RPSA2: variants seen among roughly 807,000 people sequenced by gnomAD.
RPSA2 encodes the protein small ribosomal subunit protein uS2B.
the RPSA2 span, among the ~76,000 whole-genome samples, chr19:23,793,158 T>C: frequency 1.8e-4 from 27 of 151,500 alleles, no homozygotes; most frequent in African/African-American, 6.0e-4. Context: ...TCTGGCTGTG[T>C]GATAGGTAAG....
chr19:23,864,592 G>A, the RPSA2 span, among the ~76,000 whole-genome samples: 15 of 152,238 alleles, frequency 9.9e-5, no homozygotes, highest in Admixed American at 9.8e-4. Context: ...AAGTAGCTAT[G>A]AATTGCTTAT....
chr19:23,775,654 A>G, the RPSA2 span, among the ~76,000 whole-genome samples: 1 of 152,216 alleles, frequency 6.6e-6, no homozygotes, highest in Non-Finnish European at 1.5e-5. Context: ...AGAGACAGTC[A>G]CAAGTTGGAA....
the RPSA2 span, chr19:23,833,381 C>T: frequency 5.8e-3 from 1,177 of 202,356 alleles, 19 homozygotes; most frequent in African/African-American, 0.026. Context: ...TGGAGAGAAA[C>T]TTTGCAAACC....
At chr19:23,773,291 A>ATT in the RPSA2 span, among the ~76,000 whole-genome samples, 2,638 of 141,016 alleles carry the variant, frequency 0.019, 84 homozygotes, top group African/African-American at 0.063. Context: ...TATATATCAA[A>ATT]TTTTTTTTTT....
At chr19:23,851,611 G>A in the RPSA2 span, among the ~76,000 whole-genome samples, 1 of 152,128 alleles carries the variant, frequency 6.6e-6, no homozygotes, top group Non-Finnish European at 1.5e-5. Context: ...AATATTTAAA[G>A]GTTTGGGGAA....
At chr19:23,835,892 C>T in the RPSA2 span, among the ~76,000 whole-genome samples, 28 of 152,286 alleles carry the variant, frequency 1.8e-4, no homozygotes, top group African/African-American at 6.3e-4. Flanking sequence ...CCTCAGCCTC[C>T]CAGAGTGCTG....
chr19:23,775,035 A>G, the RPSA2 span, among the ~76,000 whole-genome samples: 3 of 152,172 alleles, frequency 2.0e-5, no homozygotes, highest in Admixed American at 6.5e-5. Context: ...TATCTTTCAT[A>G]TGTGGGCTTG....
At chr19:23,773,024 C>T in the RPSA2 span, among the ~76,000 whole-genome samples, 7 of 151,914 alleles carry the variant, frequency 4.6e-5, no homozygotes, top group South Asian at 6.2e-4. Context: ...GAGTTGAGAT[C>T]GTGCCACTGC....
At chr19:23,774,002 G>A in the RPSA2 span, among the ~76,000 whole-genome samples, 1 of 139,764 alleles carries the variant, frequency 7.2e-6, no homozygotes, top group South Asian at 2.3e-4. Flanking sequence ...TCTGACTCTT[G>A]CCTAAGACCA....
At chr19:23,763,429 C>T in the RPSA2 span, among the ~76,000 whole-genome samples, 1 of 152,308 alleles carries the variant, frequency 6.6e-6, no homozygotes, top group South Asian at 2.1e-4. Flanking sequence ...AATCCCGACC[C>T]GGTGTTTGCG....
chr19:23,859,491 G>A, the RPSA2 span, among the ~76,000 whole-genome samples: 4 of 152,234 alleles, frequency 2.6e-5, no homozygotes, highest in African/African-American at 4.8e-5. Context: ...AGCCAGCGTG[G>A]TGGCACATGC....
the RPSA2 span, among the ~76,000 whole-genome samples, chr19:23,840,957 C>T: frequency 3.0e-5 from 2 of 66,068 alleles, no homozygotes; most frequent in African/African-American, 6.2e-5. Flanking sequence ...AACAAAACTC[C>T]GTCTCAAAAA....
chr19:23,808,258 A>G, the RPSA2 span, among the ~76,000 whole-genome samples: 1 of 129,846 alleles, frequency 7.7e-6, no homozygotes, highest in Middle Eastern at 3.4e-3. Context: ...TGAAATTAAG[A>G]ACCTACAAAA....
chr19:23,833,049 A>G, the RPSA2 span: 2 of 1,356,422 alleles, frequency 1.5e-6, no homozygotes, highest in Non-Finnish European at 1.9e-6. Flanking sequence ...CTGGAAAGAA[A>G]CCCTACAAGT....
chr19:23,820,243 G>A, the RPSA2 span, among the ~76,000 whole-genome samples: 14 of 152,156 alleles, frequency 9.2e-5, no homozygotes, highest in African/African-American at 3.4e-4. Context: ...ATGGCAGTGA[G>A]CCGTGGCACA....
At chr19:23,827,357 G>A in the RPSA2 span, 3 of 1,584,894 alleles carry the variant, frequency 1.9e-6, no homozygotes, top group South Asian at 1.1e-5. Flanking sequence ...TCGTGCTATT[G>A]TTGCCATTGA....
chr19:23,865,949 G>T, the RPSA2 span, among the ~76,000 whole-genome samples: 2 of 152,130 alleles, frequency 1.3e-5, no homozygotes, highest in African/African-American at 4.8e-5. Flanking sequence ...AAAAACCTTT[G>T]GCTTGCACTT....
At chr19:23,857,275 G>T in the RPSA2 span, among the ~76,000 whole-genome samples, 1 of 152,136 alleles carries the variant, frequency 6.6e-6, no homozygotes, top group African/African-American at 2.4e-5. Context: ...TACACCTTCA[G>T]CTTATGAAGA....
the RPSA2 span, among the ~76,000 whole-genome samples, chr19:23,844,544 T>C: frequency 2.6e-5 from 4 of 152,278 alleles, no homozygotes; most frequent in East Asian, 7.7e-4. Context: ...TTTCTTACTA[T>C]GCTTTTAGTT....
Sources: gnomAD v4.1 joint callset for allele counts (sites outside exome capture counted in the v4.1 genomes callset) on GRCh38, gnomAD v4.1.1 for gene constraint, MANE v1.5 for transcripts, NCBI Gene and HGNC (gene_info 2026-07-23, HGNC 2026-07-21) for gene names.